The following PIK3R1 variants were observed in gnomAD, a reference collection of about 807,000 sequenced individuals.
PIK3R1 encodes phosphatidylinositol 3-kinase regulatory subunit alpha.
Under a neutral mutation model 98.0 loss-of-function variants are expected in PIK3R1, and 29 were observed. The observed-to-expected ratio is 0.30, with a 90% CI of 0.22 to 0.40. The LOEUF is 0.40. Among genes scored for constraint, PIK3R1 ranks in the 10% least tolerant of loss-of-function variants. PIK3R1 has a pLI of 1.00. For missense variants in PIK3R1, 596 were observed against 872.7 expected (o/e 0.68, Z 3.99); for synonymous variants, 282 against 311.8 (o/e 0.90, Z 1.01).
intron 2 of PIK3R1, among the ~76,000 whole-genome samples, chr5:68,261,924 C>T (rs914939595): frequency 3.3e-5 from 5 of 152,124 alleles, no homozygotes; most frequent in African/African-American, 1.2e-4. Context: ...AATGGTGCAA[C>T]AGAGGAGTGG....
chr5:68,295,570 A>C, intron 14 of PIK3R1, 82 bp downstream of exon 14: 1 of 1,181,120 alleles, frequency 8.5e-7, no homozygotes, highest in Non-Finnish European at 1.3e-6. Context: ...TTTTAGAACA[A>C]GTGAGGAATT....
At chr5:68,218,171 A>G (rs1222356374) in intron 1 of PIK3R1, among the ~76,000 whole-genome samples, 2 of 152,218 alleles carry the variant, frequency 1.3e-5, no homozygotes, top group East Asian at 3.9e-4. Context: ...GGGAAACAGA[A>G]GTGGAACAAT....
chr5:68,262,477 TATATATCTATATGTATAC>T lies in PIK3R1; in HGVS notation c.335-10900_335-10883del, dbSNP rs1159141162. On this transcript the variant is annotated intron_variant, in intron 2 of 15. Transcript: ENST00000521381. ...ACATATATATATCTATATATGTACA[TATATATCTATATGTATAC>T]ATATATCTATATATGTATACATATA... Among the ~76,000 whole-genome samples, 81 of 144,914 alleles carry T rather than the reference TATATATCTATATGTATAC, an allele frequency of 5.6e-4. No individual in the cohort carries two copies. The East Asian group carries it at 0.013, about 23-fold the overall frequency.
chr5:68,233,846 C>T (rs1744569259), intron 2 of PIK3R1, among the ~76,000 whole-genome samples: 1 of 152,190 alleles, frequency 6.6e-6, no homozygotes. Context: ...CCACCTAAGG[C>T]ATGGCTGTGA....
intron 2 of PIK3R1, among the ~76,000 whole-genome samples, chr5:68,237,239 C>A (rs902131496): frequency 6.6e-6 from 1 of 152,028 alleles, no homozygotes; most frequent in South Asian, 2.1e-4. Flanking sequence ...AAACAAGAAA[C>A]CTGAAGTTGA....
In PIK3R1 at chr5:68,300,165, A is replaced by G. The variant is rs774598534; in HGVS notation, c.*2564A>G. On this transcript the variant is annotated 3_prime_UTR_variant, in exon 16 of 16. Coordinates refer to ENST00000521381, the MANE Select transcript of PIK3R1 (RefSeq NM_181523.3). The stretch of plus-strand genomic sequence containing the variant: ...GATACGGTATTTAGGCATTTGCCTT[A>G]TTTTTGCATCTCACAAACATAAGTG... 5.6e-5 allele frequency: 13 copies of G among 233,118 alleles called. No individual in the cohort carries two copies. The highest frequency in any genetic ancestry group is 1.1e-4 in the Admixed American group (2 of 17,780). 14.4% of individuals were successfully genotyped at this position (233,118 alleles called of 1,614,324 possible).
chr5:68,250,736 AG>A (rs1302696188), intron 2 of PIK3R1, among the ~76,000 whole-genome samples: 1 of 152,158 alleles, frequency 6.6e-6, no homozygotes, highest in African/African-American at 2.4e-5. Flanking sequence ...TGTAAGTTGG[AG>A]ACTTCCTATT....
chr5:68,222,975 T>C (rs1370204022), intron 1 of PIK3R1, among the ~76,000 whole-genome samples: 1 of 152,132 alleles, frequency 6.6e-6, no homozygotes, highest in Non-Finnish European at 1.5e-5. Flanking sequence ...CTACTGATAG[T>C]ACCTGTTTTT....
chr5:68,223,599 G>A (rs959322530), intron 1 of PIK3R1, among the ~76,000 whole-genome samples: 18 of 152,174 alleles, frequency 1.2e-4, no homozygotes, highest in African/African-American at 4.3e-4. Context: ...GTTCTGCACA[G>A]GGTTCTTCTT....
chr5:68,238,713 T>C lies in PIK3R1; in HGVS notation c.334+11704T>C, dbSNP rs142052261. Among the ~76,000 whole-genome samples the C allele has an allele frequency of 4.2e-3, 634 of 151,816 alleles. 4 individuals carry two copies. The highest frequency in any genetic ancestry group is 0.014 in the African/African-American group (578 of 41,436). On this transcript the variant is annotated intron_variant, in intron 2 of 15. Transcript: ENST00000521381. ...AAAACATAAAATGAGGGAGAAGATA[T>C]ATAGAGAGAATATCTAACAGGAGAA...
intron 1 of PIK3R1, among the ~76,000 whole-genome samples, chr5:68,218,216 T>C (rs1743971373): frequency 6.6e-6 from 1 of 152,152 alleles, no homozygotes; most frequent in South Asian, 2.1e-4. Flanking sequence ...TTATAGACAG[T>C]GATGATGGTG....
intron 15 of PIK3R1, 30 bp from the exon 16 acceptor site, chr5:68,297,382 A>T (rs1357515408): frequency 6.4e-7 from 1 of 1,574,724 alleles, no homozygotes; most frequent in South Asian, 1.2e-5. Flanking sequence ...GGACAAGCTC[A>T]AAAGACAGTT....
intron 1 of PIK3R1, among the ~76,000 whole-genome samples, chr5:68,221,735 C>T (rs6449959): frequency 0.24 from 36,213 of 152,120 alleles, 5,167 homozygotes; most frequent in African/African-American, 0.39. Context: ...ATCTACTTTA[C>T]AGCAGTTGTA....
intron 2 of PIK3R1, among the ~76,000 whole-genome samples, chr5:68,264,050 T>C (rs1275695749): frequency 6.6e-6 from 1 of 152,170 alleles, no homozygotes; most frequent in Non-Finnish European, 1.5e-5. Context: ...TTGCTAAAAG[T>C]GATAAGTTAG....
At chr5:68,273,829 A>G in intron 3 of PIK3R1, 110 bp from the exon 4 acceptor site, 2 of 851,888 alleles carry the variant, frequency 2.3e-6, no homozygotes, top group Non-Finnish European at 4.0e-6. Context: ...TTTGGTACAC[A>G]TCTAGAACAG....
intron 2 of PIK3R1, chr5:68,239,840 G>A (rs1181331380): frequency 7.9e-6 from 4 of 505,174 alleles, no homozygotes; most frequent in Non-Finnish European, 1.2e-5. Context: ...TTCCTCTCAG[G>A]AAACAGACAC....
chr5:68,244,386 T>G (rs1744986187), intron 2 of PIK3R1, among the ~76,000 whole-genome samples: 1 of 152,118 alleles, frequency 6.6e-6, no homozygotes, highest in Admixed American at 6.5e-5. Flanking sequence ...GTATTTTAAT[T>G]AGAAACATTA....
Position 68,297,400 on chromosome 5 carries a change from T to C in PIK3R1, c.1986-12T>C. The C allele has an allele frequency of 1.2e-6, 2 of 1,601,570 alleles. No homozygotes were observed. The highest frequency in any genetic ancestry group is 1.7e-6 in the Non-Finnish European group (2 of 1,173,714). ...CAAGCTCAAAAGACAGTTTTTCTTC[T>C]CTCCTCTCTAGGGTGGACGGCGAAG... On this transcript the variant is annotated splice_polypyrimidine_tract_variant and intron_variant, in intron 15 of 15. Transcript: ENST00000521381.
intron 2 of PIK3R1, among the ~76,000 whole-genome samples, chr5:68,250,006 A>G (rs1289602165): frequency 6.6e-6 from 1 of 152,120 alleles, no homozygotes; most frequent in Non-Finnish European, 1.5e-5. Flanking sequence ...GGGAAGAGAA[A>G]ATTTTCACTG....
Sources: gnomAD v4.1 joint callset for allele counts (sites outside exome capture counted in the v4.1 genomes callset) on GRCh38, gnomAD v4.1.1 for gene constraint, MANE v1.5 for transcripts, NCBI Gene and HGNC (gene_info 2026-07-23, HGNC 2026-07-21) for gene names.